Variants in BANP observed in about 807,000 individuals in gnomAD.
The protein encoded by BANP is protein BANP.
A neutral mutation model predicts 68.1 loss-of-function variants in BANP; 11 were observed. The ratio of observed to expected loss-of-function variants is 0.16; its 90% CI spans 0.10 to 0.27. BANP has a LOEUF of 0.27. Ranked by LOEUF, BANP falls within the 10% of genes least tolerant of loss-of-function variation. BANP has a pLI of 1.00. For synonymous variants in BANP, 329 were observed against 303.2 expected (o/e 1.09, Z -0.88); for missense variants, 504 against 722.7 (o/e 0.70, Z 3.47).
intron 2 of BANP, among the ~76,000 whole-genome samples, chr16:87,978,964 C>T (rs2062742556): frequency 6.6e-6 from 1 of 152,198 alleles, no homozygotes; most frequent in Non-Finnish European, 1.5e-5. Flanking sequence ...AAAACAATGT[C>T]AAAGATAACC....
At chr16:87,989,553 C>T (rs1175592559) in intron 4 of BANP, among the ~76,000 whole-genome samples, 8 of 151,788 alleles carry the variant, frequency 5.3e-5, no homozygotes, top group Admixed American at 2.6e-4. Context: ...TGCAGGCCCG[C>T]GTGGCTGTGC....
intron 4 of BANP, among the ~76,000 whole-genome samples, chr16:88,001,927 A>C (rs1170991538): frequency 2.6e-5 from 4 of 152,070 alleles, no homozygotes; most frequent in Admixed American, 6.5e-5. Flanking sequence ...AAAAAACAAA[A>C]AAACAAAAAA....
At position 87,975,069 on chromosome 16, in the gene BANP, TG is replaced by T. The variant is rs2061770377; in HGVS notation, c.-46del. Reference sequence around the variant, plus strand: ...GTAGGTGACCAAAAGCCAGCCCCACTGTGAGTTGAACTCTTTCGTGTTGACC... The same window carrying T: ...GTAGGTGACCAAAAGCCAGCCCCACTTGAGTTGAACTCTTTCGTGTTGACC... On this transcript the variant is annotated 5_prime_UTR_variant, in exon 2 of 14. Transcript: ENST00000682872. The T allele has an allele frequency of 1.3e-6, 2 of 1,563,982 alleles. No individual in the cohort carries two copies. Among genetic ancestry groups the T allele is most frequent in the Non-Finnish European group, 1.8e-6 (2 of 1,135,708 alleles).
rs7194805 is a variant in BANP at position 87,993,789 on chromosome 16, C to T, written c.362+9530C>T. On this transcript the variant is annotated intron_variant, in intron 4 of 13. Coordinates refer to ENST00000682872, the MANE Select transcript of BANP (RefSeq NM_001386991.1). ...TAATTTTTTGTATTTATATTACAGACGGGGTTTCACCATGTTGACCAGGCT... is the reference window on the plus strand; with the variant it reads ...TAATTTTTTGTATTTATATTACAGATGGGGTTTCACCATGTTGACCAGGCT... Among the ~76,000 whole-genome samples the T allele has an allele frequency of 4.4e-3, 676 of 152,198 alleles. 7 individuals are homozygous for T. Among genetic ancestry groups the T allele is most frequent in the African/African-American group, 0.015 (626 of 41,518 alleles).
chr16:88,026,852 T>A (rs2077097778), intron 7 of BANP, among the ~76,000 whole-genome samples: 1 of 152,234 alleles, frequency 6.6e-6, no homozygotes, highest in Admixed American at 6.5e-5. Context: ...TTCGAAACTG[T>A]GTTTGTGAGG....
chr16:87,992,889 C>G (rs914266896), intron 4 of BANP, among the ~76,000 whole-genome samples: 1 of 152,146 alleles, frequency 6.6e-6, no homozygotes, highest in African/African-American at 2.4e-5. Context: ...TAGAGTGTGT[C>G]CGCACACTGT....
intron 9 of BANP, 35 bp from the exon 10 acceptor site, chr16:88,035,288 C>T (rs949640455): frequency 1.3e-5 from 21 of 1,558,990 alleles, no homozygotes; most frequent in Admixed American, 1.8e-5. Flanking sequence ...TTTTGATTTT[C>T]TTCTGATGCT....
At chr16:87,968,437 T>A (rs1312247903) in intron 1 of BANP, among the ~76,000 whole-genome samples, 5 of 147,410 alleles carry the variant, frequency 3.4e-5, no homozygotes, top group Non-Finnish European at 4.4e-5. Flanking sequence ...TGAGCTGAGA[T>A]CGTGCCATTG....
At chr16:87,988,345 C>G (rs930961962) in intron 4 of BANP, among the ~76,000 whole-genome samples, 2 of 152,160 alleles carry the variant, frequency 1.3e-5, no homozygotes, top group Non-Finnish European at 2.9e-5. Context: ...CTCACTGCAA[C>G]CTCTGCCTCC....
chr16:88,071,623 T>G lies in BANP; in HGVS notation c.1378-446T>G. On this transcript the variant is annotated intron_variant, in intron 12 of 13. Coordinates refer to ENST00000682872, the MANE Select transcript of BANP (RefSeq NM_001386991.1). This position sits in a 1 kb window ranked among gnomAD's most constrained non-coding sequence, Gnocchi z 6.5. ...CCTTGAGGTCACTCTGCCTTGGGAA[T>G]GGGGAGGGTTTGGGTCTCAGCCTCA... The G allele has an allele frequency of 2.2e-6, 1 of 460,554 alleles. No individual in the cohort carries two copies. Among genetic ancestry groups the G allele is most frequent in the Non-Finnish European group, 4.4e-6 (1 of 229,722 alleles). 28.5% of individuals were successfully genotyped at this position (460,554 alleles called of 1,614,324 possible). A position where few individuals can be genotyped will look rare whatever the true frequency, so the allele number is the denominator to read the frequency against.
chr16:88,045,305 G>A (rs60167083), intron 11 of BANP, among the ~76,000 whole-genome samples: 30,400 of 152,186 alleles, frequency 0.2, 3,692 homozygotes, highest in East Asian at 0.49. Flanking sequence ...AAGATGGCTC[G>A]ATGTTTGCCG....
At chr16:87,999,307 A>C (rs35326170) in intron 4 of BANP, among the ~76,000 whole-genome samples, 23 of 101,580 alleles carry the variant, frequency 2.3e-4, no homozygotes, top group Non-Finnish European at 4.2e-4. Context: ...TGTACTTACC[A>C]GGCCTTCCAG....
chr16:88,052,778 T>C (rs1421263597), intron 11 of BANP, among the ~76,000 whole-genome samples: 1 of 151,476 alleles, frequency 6.6e-6, no homozygotes, highest in Non-Finnish European at 1.5e-5. Flanking sequence ...TCCATCATCA[T>C]CACTAACATA....
chr16:88,056,143 A>G (rs961162696), intron 11 of BANP, among the ~76,000 whole-genome samples: 1 of 152,198 alleles, frequency 6.6e-6, no homozygotes, highest in Non-Finnish European at 1.5e-5. Flanking sequence ...TGGCTCTGAC[A>G]CTGGAGGGGT....
At chr16:87,965,165 G>A (rs1215755524) in intron 1 of BANP, among the ~76,000 whole-genome samples, 2 of 152,162 alleles carry the variant, frequency 1.3e-5, no homozygotes, top group South Asian at 2.1e-4. Flanking sequence ...AGACAGAGGA[G>A]TGGGGGCCAG....
At chr16:87,952,505 T>C (rs534662235) in intron 1 of BANP, 1 of 152,324 alleles carries the variant, frequency 6.6e-6, no homozygotes, top group East Asian at 1.9e-4. Flanking sequence ...AGTAAATAAT[T>C]GATAAGAGGA....
In BANP at chr16:87,964,029, G is replaced by T. The variant is rs544127228; in HGVS notation, c.-68-11019G>T. Among the ~76,000 whole-genome samples, 6 of 152,294 alleles carry T rather than the reference G, an allele frequency of 3.9e-5. No individual in the cohort carries two copies. In the East Asian group the frequency reaches 9.7e-4, roughly 25 times the overall value. On this transcript the variant is annotated intron_variant, in intron 1 of 13. Transcript: ENST00000682872. ...CGTTAGCCTTTGCTGACAGTGGATGGGCACTGTTCATCAGATGTGTCAATC... is the reference window on the plus strand; with the variant it reads ...CGTTAGCCTTTGCTGACAGTGGATGTGCACTGTTCATCAGATGTGTCAATC...
intron 11 of BANP, among the ~76,000 whole-genome samples, chr16:88,040,722 G>A (rs2080559116): frequency 6.6e-6 from 1 of 152,244 alleles, no homozygotes; most frequent in Admixed American, 6.5e-5. Flanking sequence ...CTGTCCCGGA[G>A]GCCCTTGGCC....
chr16:87,949,377 G>A (rs1380716188), upstream of BANP: 3 of 152,336 alleles, frequency 2.0e-5, no homozygotes, highest in East Asian at 1.9e-4. Context: ...CGTGATTGAG[G>A]TGGAGGTGGA....
Sources: gnomAD v4.1 joint callset for allele counts (sites outside exome capture counted in the v4.1 genomes callset) on GRCh38, gnomAD v4.1.1 for gene constraint, Gnocchi (gnomAD v3.1) non-coding constraint, MANE v1.5 for transcripts, NCBI Gene and HGNC (gene_info 2026-07-23, HGNC 2026-07-21) for gene names.